Variants in DLG3 observed in about 807,000 individuals in gnomAD.
DLG3 encodes disks large homolog 3.
DLG3 carries 1 observed loss-of-function variant against 64.1 expected under a neutral mutation model. The ratio of observed to expected loss-of-function variants is 0.02; its 90% CI spans 0.01 to 0.07. The LOEUF is 0.07. Among genes scored for constraint, DLG3 ranks in the 10% least tolerant of loss-of-function variants. DLG3 has a pLI of 1.00. For missense variants in DLG3, 429 were observed against 669.5 expected (o/e 0.64, Z 3.96); for synonymous variants, 245 against 259.8 (o/e 0.94, Z 0.55).
intron 10 of DLG3, among the ~76,000 whole-genome samples, chrX:70,481,754 T>A (rs1277925732): frequency 8.9e-6 from 1 of 112,104 alleles, no homozygotes; most frequent in African/African-American, 3.2e-5. Context: ...ACTGGTTCAC[T>A]GGTTCTCTGA....
Position 70,451,570 on chromosome X carries a change from G to A in DLG3, c.986-297G>A, listed in dbSNP as rs1323566675. ...AGAAAACCCTTGGAAAACTGTATTA[G>A]GCTATAGAGATGTGAGGGATTATTA... On this transcript the variant is annotated intron_variant, in intron 6 of 18. Transcript: ENST00000374360. 4.4e-4 allele frequency among the ~76,000 whole-genome samples: 49 copies of A among 112,100 alleles called. 3 individuals carry two copies. Among genetic ancestry groups the A allele is most frequent in the Non-Finnish European group, 3.8e-5 (2 of 53,201 alleles).
In DLG3 at chrX:70,445,347, C is replaced by A; in HGVS notation, c.146C>A (p.Ala49Glu). ...CCAGGTGGGGGCAACGGCGCCAGCGCGGGTTATGGGGGCTACAGCTCGCAG... is the reference window on the plus strand; with the variant it reads ...CCAGGTGGGGGCAACGGCGCCAGCGAGGGTTATGGGGGCTACAGCTCGCAG... ...YGPGGGNGAS[A>E]GYGGYSSQTL... Residue 49 changes from alanine to glutamate, a missense_variant, in exon 1 of 19, where the codon GCG becomes GAG. Coordinates refer to ENST00000374360, the MANE Select transcript of DLG3 (RefSeq NM_021120.4). The A allele has an allele frequency of 8.5e-7, 1 of 1,171,394 alleles. No individual in the cohort carries two copies. The highest frequency in any genetic ancestry group is 1.1e-6 in the Non-Finnish European group (1 of 876,488).
intron 10 of DLG3, among the ~76,000 whole-genome samples, chrX:70,487,166 G>A (rs4844228): frequency 9.1e-6 from 1 of 110,494 alleles, no homozygotes; most frequent in Non-Finnish European, 1.9e-5. Flanking sequence ...AAGTTTAGCC[G>A]GATAATGGGA....
chrX:70,482,609 G>A (rs1020006930), intron 10 of DLG3, among the ~76,000 whole-genome samples: 11 of 104,602 alleles, frequency 1.1e-4, no homozygotes, highest in African/African-American at 3.2e-4. Flanking sequence ...AGATTCCCAG[G>A]CTCCTTTTCT....
chrX:70,459,631 C>G (rs1290192634), intron 9 of DLG3, among the ~76,000 whole-genome samples: 1 of 112,336 alleles, frequency 8.9e-6, no homozygotes, highest in Non-Finnish European at 1.9e-5. Flanking sequence ...TTACATTTAT[C>G]TTTGTGTCCC....
intron 14 of DLG3, among the ~76,000 whole-genome samples, chrX:70,498,915 G>C (rs2087505752): frequency 8.9e-6 from 1 of 112,570 alleles, no homozygotes; most frequent in African/African-American, 3.2e-5. Flanking sequence ...ACCTTGCTCA[G>C]TTACTGGTGT....
chrX:70,491,928 G>A (rs1051412827), intron 10 of DLG3, among the ~76,000 whole-genome samples, 179 bp from the exon 11 acceptor site: 5 of 111,508 alleles, frequency 4.5e-5, no homozygotes, highest in South Asian at 3.8e-4. Context: ...CTTTGAAAGC[G>A]GGTGCATATT....
chrX:70,481,795 TC>T (rs1297181450), intron 10 of DLG3, among the ~76,000 whole-genome samples: 4 of 111,891 alleles, frequency 3.6e-5, no homozygotes, highest in Non-Finnish European at 7.5e-5. Flanking sequence ...CACATTTGTT[TC>T]CATGAATTAC....
chrX:70,486,381 C>G (rs1351005596), intron 10 of DLG3, among the ~76,000 whole-genome samples: 2 of 111,908 alleles, frequency 1.8e-5, no homozygotes, highest in Non-Finnish European at 3.8e-5. Flanking sequence ...ATTTTATTCT[C>G]TCATGGCACA....
intron 10 of DLG3, among the ~76,000 whole-genome samples, chrX:70,490,397 C>G (rs1423557746): frequency 9.0e-6 from 1 of 111,622 alleles, no homozygotes; most frequent in Non-Finnish European, 1.9e-5. Flanking sequence ...AGTGAGAATG[C>G]ATTCAGTTTT....
In DLG3 at chrX:70,504,475, T is replaced by C. The variant is rs2087620085; in HGVS notation, c.*2206T>C. On this transcript the variant is annotated 3_prime_UTR_variant, in exon 19 of 19. Coordinates refer to ENST00000374360, the MANE Select transcript of DLG3 (RefSeq NM_021120.4). Reference sequence around the variant, plus strand: ...GGCCAGAGGGCTCTCTCCTTAGTGATGATCAGCTAGCCGAGCTGGGCCGTC... The same window carrying C: ...GGCCAGAGGGCTCTCTCCTTAGTGACGATCAGCTAGCCGAGCTGGGCCGTC... 8.9e-6 allele frequency: 1 copy of C among 112,170 alleles called. No individual in the cohort carries two copies. Among genetic ancestry groups the C allele is most frequent in the South Asian group, 3.8e-4 (1 of 2,658 alleles). The allele number at this position is 112,170 out of a possible 1,213,427, so 9.2% of individuals were successfully genotyped here.
chrX:70,452,661 A>G (rs758319980), intron 7 of DLG3: 5 of 1,199,573 alleles, frequency 4.2e-6, no homozygotes, highest in South Asian at 1.8e-5. Flanking sequence ...CGGCTTGGCC[A>G]TGGGCTTGGG....
chrX:70,474,463 G>A (rs2087020754), intron 9 of DLG3, among the ~76,000 whole-genome samples: 1 of 110,891 alleles, frequency 9.0e-6, no homozygotes, highest in Admixed American at 9.6e-5. Context: ...AACACTGGTT[G>A]TATGCAGGGA....
At chrX:70,456,690 C>A (rs1403379978) in intron 9 of DLG3, among the ~76,000 whole-genome samples, 1 of 111,611 alleles carries the variant, frequency 9.0e-6, no homozygotes, top group Non-Finnish European at 1.9e-5. Flanking sequence ...CTCTGCCACC[C>A]CAATCAATCT....
At chrX:70,454,355 G>A (rs1403358291) in intron 9 of DLG3, 39 bp downstream of exon 9, 33 of 1,124,556 alleles carry the variant, frequency 2.9e-5, no homozygotes, top group Non-Finnish European at 4.0e-5. Context: ...ATGTGGGGGA[G>A]TTAGACTTAT....
intron 9 of DLG3, among the ~76,000 whole-genome samples, chrX:70,460,452 G>T (rs2086784409): frequency 8.9e-6 from 1 of 112,199 alleles, no homozygotes; most frequent in Admixed American, 9.5e-5. Context: ...GAATGATACT[G>T]TTGGGGGAAC....
At chrX:70,495,614 T>C (rs373530195) in intron 13 of DLG3, among the ~76,000 whole-genome samples, 161 bp downstream of exon 13, 2 of 111,661 alleles carry the variant, frequency 1.8e-5, no homozygotes, top group South Asian at 3.8e-4. Flanking sequence ...GCTCCATATG[T>C]TACATGTTTG....
intron 6 of DLG3, 99 bp from the exon 7 acceptor site, chrX:70,451,768 T>C: frequency 9.6e-7 from 1 of 1,038,555 alleles, no homozygotes; most frequent in Non-Finnish European, 1.3e-6. Context: ...CCTTGGTCTC[T>C]TTTGCATCTG....
rs2087611523 is a variant in DLG3 at position 70,503,966 on chromosome X, G to C, written c.*1697G>C. 1 of 111,599 alleles carries C rather than the reference G, an allele frequency of 9.0e-6. No homozygotes were observed. The highest frequency in any genetic ancestry group is 1.9e-5 in the Non-Finnish European group (1 of 53,113). 9.2% of individuals were successfully genotyped at this position (111,599 alleles called of 1,213,427 possible). On this transcript the variant is annotated 3_prime_UTR_variant, in exon 19 of 19. Coordinates refer to ENST00000374360, the MANE Select transcript of DLG3 (RefSeq NM_021120.4). Reference sequence around the variant, plus strand: ...AGGCACTTGTTTCCTAGCCCGCTGGGTTAGGGCTGGTGCAAGCGAGGCAAT... The same window carrying C: ...AGGCACTTGTTTCCTAGCCCGCTGGCTTAGGGCTGGTGCAAGCGAGGCAAT...
Sources: gnomAD v4.1 joint callset for allele counts (sites outside exome capture counted in the v4.1 genomes callset) on GRCh38, gnomAD v4.1.1 for gene constraint, MANE v1.5 for transcripts, NCBI Gene and HGNC (gene_info 2026-07-23, HGNC 2026-07-21) for gene names.